CACNA1E: variants seen among roughly 807,000 people sequenced by gnomAD.
CACNA1E encodes calcium voltage-gated channel subunit alpha1 E, also known as voltage-dependent R-type calcium channel subunit alpha-1E.
In CACNA1E, 40 loss-of-function variants were observed where a neutral mutation model predicts 259.2. That is an observed-to-expected ratio of 0.15 (90% CI 0.12 to 0.20). The LOEUF (loss-of-function observed/expected upper bound fraction) is 0.20, where lower values mean the gene tolerates loss of function less well. Among genes scored for constraint, CACNA1E ranks in the 10% least tolerant of loss-of-function variants. The probability of loss-of-function intolerance (pLI) is 1.00; values close to 1 mark genes in which losing one functional copy is unlikely to be tolerated. For synonymous variants in CACNA1E, 1,104 were observed against 1,138.5 expected, an observed-to-expected ratio of 0.97 and a Z score of 0.61; for missense variants, 1,874 against 3,040.1, an observed-to-expected ratio of 0.62 and a Z score of 9.02.
intron 6 of CACNA1E, among the ~76,000 whole-genome samples, chr1:181,621,815 T>C (rs1040124978): frequency 2.0e-5 from 3 of 152,170 alleles, no homozygotes; most frequent in African/African-American, 7.2e-5. Context: ...CTGAGTGACC[T>C]ATTGTGCTAC....
chr1:181,579,615 C>T (rs916042121), intron 5 of CACNA1E, among the ~76,000 whole-genome samples: 14 of 152,088 alleles, frequency 9.2e-5, no homozygotes, highest in African/African-American at 3.4e-4. Flanking sequence ...CCAGCCTGGA[C>T]AACTAGTGTC....
chr1:181,437,182 G>C (rs1432839854), intron 2 of CACNA1E, among the ~76,000 whole-genome samples: 1 of 152,152 alleles, frequency 6.6e-6, no homozygotes, highest in Non-Finnish European at 1.5e-5. Context: ...TATTGCCACA[G>C]ACTTCTGTGC....
At chr1:181,582,377 G>A (rs1310053382) in intron 6 of CACNA1E, among the ~76,000 whole-genome samples, 1 of 152,210 alleles carries the variant, frequency 6.6e-6, no homozygotes, top group Non-Finnish European at 1.5e-5. Flanking sequence ...TTGTCTTGAG[G>A]CCATGCCACT....
intron 1 of CACNA1E, among the ~76,000 whole-genome samples, chr1:181,360,518 G>A (rs1167946693): frequency 1.3e-5 from 2 of 152,142 alleles, no homozygotes; most frequent in African/African-American, 4.8e-5. Context: ...GCATGATCCT[G>A]TTTGTTTGGA....
Position 181,796,695 on chromosome 1 carries a change from G to C in CACNA1E, c.6236G>C (p.Gly2079Ala). The C allele has an allele frequency of 6.2e-7, 1 of 1,606,736 alleles. No individual in the cohort carries two copies. The highest frequency in any genetic ancestry group is 8.5e-7 in the Non-Finnish European group (1 of 1,174,952). Reference sequence around the variant, plus strand: ...CACAAGTCTGACACTCACCGCTCAGGGGGCAGGGAGCGGGGACGATCAAAA... The same window carrying C: ...CACAAGTCTGACACTCACCGCTCAGCGGGCAGGGAGCGGGGACGATCAAAA... ...SGHKSDTHRS[G>A]GRERGRSKER... Residue 2079 changes from glycine (G) to alanine (A), a missense_variant, in exon 47 of 48, where the codon GGG becomes GCG. Transcript: ENST00000367573.
chr1:181,797,709 C>T (rs1277606174), intron 47 of CACNA1E, among the ~76,000 whole-genome samples: 2 of 152,166 alleles, frequency 1.3e-5, no homozygotes, highest in Non-Finnish European at 2.9e-5. Flanking sequence ...GTTTACTTCC[C>T]AAAACCTGGG....
At chr1:181,529,350 G>T in intron 3 of CACNA1E, among the ~76,000 whole-genome samples, 1 of 152,238 alleles carries the variant, frequency 6.6e-6, no homozygotes, top group East Asian at 1.9e-4. Context: ...TGCTGCAGGG[G>T]CAGGGCCCTC....
chr1:181,540,727 G>A (rs1373574025), intron 3 of CACNA1E, among the ~76,000 whole-genome samples: 2 of 152,152 alleles, frequency 1.3e-5, no homozygotes, highest in Non-Finnish European at 2.9e-5. Flanking sequence ...CTAGTTTACT[G>A]TACTTAGCCC....
At chr1:181,571,244 G>A (rs1185846200) in intron 3 of CACNA1E, among the ~76,000 whole-genome samples, 1 of 152,192 alleles carries the variant, frequency 6.6e-6, no homozygotes, top group Admixed American at 6.5e-5. Flanking sequence ...ATGGAACTGG[G>A]ATTTGAAACT....
At chr1:181,767,506 C>G (rs755557860) in intron 35 of CACNA1E, among the ~76,000 whole-genome samples, 1 of 152,220 alleles carries the variant, frequency 6.6e-6, no homozygotes, top group South Asian at 2.1e-4. Flanking sequence ...CTGCCTTGGG[C>G]CTGCTGGCTG....
chr1:181,555,430 G>C (rs528430620), intron 3 of CACNA1E, among the ~76,000 whole-genome samples: 2 of 152,318 alleles, frequency 1.3e-5, no homozygotes, highest in Non-Finnish European at 2.9e-5. Flanking sequence ...TGGTCTGAGG[G>C]CACCATATAC....
At chr1:181,705,827 T>A (rs1232027407) in intron 7 of CACNA1E, among the ~76,000 whole-genome samples, 1 of 152,216 alleles carries the variant, frequency 6.6e-6, no homozygotes, top group African/African-American at 2.4e-5. Context: ...TGGGTCCTAA[T>A]GTCAACTCTT....
At chr1:181,363,168 G>T (rs987204424) in intron 1 of CACNA1E, among the ~76,000 whole-genome samples, 1 of 152,124 alleles carries the variant, frequency 6.6e-6, no homozygotes, top group Non-Finnish European at 1.5e-5. Context: ...TTATAAAGAA[G>T]CCTAAAATCT....
chr1:181,441,056 T>TCCTGGC, intron 2 of CACNA1E, among the ~76,000 whole-genome samples: 1 of 143,860 alleles, frequency 7.0e-6, no homozygotes, highest in South Asian at 2.4e-4. Context: ...AAAGCAGGCT[T>TCCTGGC]CCTGGCCCCT....
intron 35 of CACNA1E, among the ~76,000 whole-genome samples, chr1:181,766,981 A>G (rs1285867617): frequency 6.6e-6 from 1 of 152,188 alleles, no homozygotes; most frequent in Non-Finnish European, 1.5e-5. Context: ...GATCTCTGGT[A>G]TTTTGACTTG....
chr1:181,348,196 C>T (rs952249540), intron 1 of CACNA1E, among the ~76,000 whole-genome samples: 9 of 151,658 alleles, frequency 5.9e-5, no homozygotes, highest in African/African-American at 2.2e-4. Flanking sequence ...TCTCGGTGGA[C>T]AGATGGACTT....
chr1:181,326,012 C>A (rs114039808), intron 1 of CACNA1E, among the ~76,000 whole-genome samples: 1 of 152,208 alleles, frequency 6.6e-6, no homozygotes, highest in African/African-American at 2.4e-5. Flanking sequence ...CTCCTCCACC[C>A]GCTCCGCCGC....
intron 8 of CACNA1E, among the ~76,000 whole-genome samples, chr1:181,712,739 C>T (rs1329350750): frequency 1.3e-5 from 2 of 151,998 alleles, no homozygotes; most frequent in African/African-American, 4.8e-5. Flanking sequence ...GCAGATTTGC[C>T]TCTAGGCCAG....
intron 1 of CACNA1E, among the ~76,000 whole-genome samples, chr1:181,371,412 C>G (rs1329884960): frequency 6.6e-6 from 1 of 152,132 alleles, no homozygotes; most frequent in Non-Finnish European, 1.5e-5. Context: ...CAGGCATGTG[C>G]CACTACACCC....
Sources: gnomAD v4.1 joint callset for allele counts (sites outside exome capture counted in the v4.1 genomes callset) on GRCh38, gnomAD v4.1.1 for gene constraint, MANE v1.5 for transcripts, NCBI Gene and HGNC (gene_info 2026-07-23, HGNC 2026-07-21) for gene names.